The following IPO11 variants were observed in gnomAD, a reference collection of about 807,000 sequenced individuals.
IPO11 encodes the protein importin 11, also known as importin-11.
In IPO11, 66 loss-of-function variants were observed where a neutral mutation model predicts 143.2. The observed-to-expected ratio is 0.46, with a 90% CI of 0.38 to 0.57. The LOEUF (loss-of-function observed/expected upper bound fraction) is 0.57, where lower values mean the gene tolerates loss of function less well. Ranked by LOEUF, IPO11 falls within the 20% of genes least tolerant of loss-of-function variation. IPO11 has a pLI of 0.00. For synonymous variants in IPO11, 385 were observed against 377.8 expected, an observed-to-expected ratio of 1.02 and a Z score of -0.22; for missense variants, 1,026 against 1,141.0, an observed-to-expected ratio of 0.90 and a Z score of 1.45.
rs1254147718 is a variant in IPO11 at position 62,545,784 on chromosome 5, G to C, written c.2251-4583G>C. ...AAAACAACCCCATCAAAAAGTGGGTGAAGGATATGAACAGACACTTCTCAA... is the reference window on the plus strand; with the variant it reads ...AAAACAACCCCATCAAAAAGTGGGTCAAGGATATGAACAGACACTTCTCAA... On this transcript the variant is annotated intron_variant, in intron 24 of 29. Coordinates refer to ENST00000325324, the MANE Select transcript of IPO11 (RefSeq NM_016338.5). 2.6e-5 allele frequency among the ~76,000 whole-genome samples: 4 copies of C among 152,126 alleles called. 1 individual carries two copies. The South Asian group carries it at 8.3e-4, about 32-fold the overall frequency.
At chr5:62,563,042 T>G (rs1007519677) in intron 27 of IPO11, among the ~76,000 whole-genome samples, 10 of 152,360 alleles carry the variant, frequency 6.6e-5, no homozygotes, top group African/African-American at 1.9e-4. Flanking sequence ...ACACTAGGAA[T>G]GCCTCTTTTA....
At position 62,580,705 on chromosome 5, in the gene IPO11, A is replaced by G. The variant is rs1256093148; in HGVS notation, c.2583-10872A>G. On this transcript the variant is annotated intron_variant, in intron 27 of 29. Transcript: ENST00000325324. ...TTGGGCTGTTGTAAAATCTCCTCAT[A>G]TTCATCACAAGACTACTGCGCTAAT... The G allele has an allele frequency of 5.8e-6, 9 of 1,551,448 alleles. No individual in the cohort carries two copies. In the South Asian group the frequency reaches 8.3e-5, roughly 14 times the overall value.
chr5:62,560,135 C>T (rs981641515), intron 26 of IPO11, among the ~76,000 whole-genome samples: 6 of 152,016 alleles, frequency 3.9e-5, no homozygotes, highest in Non-Finnish European at 8.8e-5. Context: ...ATAATTAGTG[C>T]AGTAAAGTCA....
chr5:62,613,069 T>C (rs141650891), intron 29 of IPO11, among the ~76,000 whole-genome samples: 338 of 152,308 alleles, frequency 2.2e-3, no homozygotes, highest in African/African-American at 7.7e-3. Flanking sequence ...AAGCAGTGTT[T>C]TGTTGTTTAA....
chr5:62,425,254 G>A lies in IPO11; in HGVS notation c.-6-12020G>A, dbSNP rs367624176. Reference sequence around the variant, plus strand: ...TCCTCCAACCCTCCTTGGGGGGAAAGGAACATACTCTTTGGAATGTGGTAC... The same window carrying A: ...TCCTCCAACCCTCCTTGGGGGGAAAAGAACATACTCTTTGGAATGTGGTAC... On this transcript the variant is annotated intron_variant, in intron 1 of 29. Transcript: ENST00000325324. Among the ~76,000 whole-genome samples, 8 of 152,306 alleles carry A rather than the reference G, an allele frequency of 5.3e-5. No individual in the cohort carries two copies. The South Asian group carries it at 1.0e-3, about 20-fold the overall frequency.
At position 62,443,068 on chromosome 5, in the gene IPO11, G is replaced by GA. The variant is rs1225635626; in HGVS notation, c.225dup (p.Arg76ThrfsTer25). The GA allele has an allele frequency of 6.2e-7, 1 of 1,605,272 alleles. No individual in the cohort carries two copies. Among genetic ancestry groups the GA allele is most frequent in the Non-Finnish European group, 8.5e-7 (1 of 1,173,502 alleles). On this transcript the variant is annotated frameshift_variant, in exon 3 of 30. Transcript: ENST00000325324. LOFTEE classifies it high-confidence loss of function. ...AAACATGGAATTGATCGCTACTGGA[G>GA]ACGTGTAGCACCTCAGTAAGTTCCA...
intron 9 of IPO11, among the ~76,000 whole-genome samples, chr5:62,482,239 C>A (rs1434366636): frequency 6.6e-6 from 1 of 152,090 alleles, no homozygotes; most frequent in Non-Finnish European, 1.5e-5. Flanking sequence ...AAAACCAGCT[C>A]CTGGATTCAT....
intron 24 of IPO11, among the ~76,000 whole-genome samples, chr5:62,546,098 A>G (rs1340201456): frequency 6.6e-6 from 1 of 152,126 alleles, no homozygotes; most frequent in Admixed American, 6.6e-5. Context: ...CCATTACTGG[A>G]GATATACCCA....
intron 19 of IPO11, among the ~76,000 whole-genome samples, chr5:62,507,535 A>G (rs994645049): frequency 2.0e-5 from 3 of 152,204 alleles, no homozygotes; most frequent in African/African-American, 7.2e-5. Flanking sequence ...AATGGTAAAG[A>G]TAATTCTGAA....
chr5:62,561,614 CATAAAGTATGTT>C (rs1182289047), intron 27 of IPO11, among the ~76,000 whole-genome samples: 2 of 152,158 alleles, frequency 1.3e-5, no homozygotes, highest in Non-Finnish European at 2.9e-5. Flanking sequence ...AATAGCACTT[CATAAAGTATGTT>C]ATAAAGTGTG....
chr5:62,522,687 C>T (rs1207627844), intron 20 of IPO11, among the ~76,000 whole-genome samples: 1 of 152,190 alleles, frequency 6.6e-6, no homozygotes, highest in African/African-American at 2.4e-5. Context: ...ACCCCTCAGT[C>T]TCCTACCTGT....
At chr5:62,625,202 G>A (rs1746523147) in intron 29 of IPO11, among the ~76,000 whole-genome samples, 1 of 152,124 alleles carries the variant, frequency 6.6e-6, no homozygotes, top group South Asian at 2.1e-4. Context: ...GGGAAACTTT[G>A]TTTCAAGGAA....
chr5:62,624,128 G>A (rs6888917), intron 29 of IPO11, among the ~76,000 whole-genome samples: 2,503 of 151,272 alleles, frequency 0.017, 62 homozygotes, highest in African/African-American at 0.058. Context: ...TCCACCTCCC[G>A]GGTTCAGGCG....
At chr5:62,414,627 T>C (rs1489799808) in intron 1 of IPO11, among the ~76,000 whole-genome samples, 1 of 152,216 alleles carries the variant, frequency 6.6e-6, no homozygotes, top group African/African-American at 2.4e-5. Context: ...GTTGCATCAG[T>C]GTTCTTTACC....
rs752931991 is a variant in IPO11, at chr5:62,483,140, C to T, written c.868C>T (p.Pro290Ser). 2 of 1,607,652 alleles carry T rather than the reference C, an allele frequency of 1.2e-6. No homozygotes were observed. The highest frequency in any genetic ancestry group is 2.2e-5 in the South Asian group (2 of 89,816). Reference protein sequence around the residue: ...FLDQHPFSFTPLIQRSLEFSV... With the variant: ...FLDQHPFSFTSLIQRSLEFSV... The stretch of plus-strand genomic sequence containing the variant: ...GGATCAGCATCCTTTTTCATTTACT[C>T]CTCTAATTCAGAGATCACTGGAATT... Residue 290 changes from proline (P) to serine (S), a missense_variant, in exon 10 of 30, where the codon CCT becomes TCT. This residue lies in a region of IPO11 where 429 missense variants were observed against 456.3 expected (regional missense o/e 0.94). Coordinates refer to ENST00000325324, the MANE Select transcript of IPO11 (RefSeq NM_016338.5).
chr5:62,438,733 C>T (rs988636478), intron 2 of IPO11, among the ~76,000 whole-genome samples: 2 of 147,588 alleles, frequency 1.4e-5, no homozygotes, highest in Non-Finnish European at 1.5e-5. Context: ...GTCTGGGCAA[C>T]AAGAACGAAA....
intron 16 of IPO11, among the ~76,000 whole-genome samples, chr5:62,499,553 C>A (rs1741273879): frequency 6.7e-6 from 1 of 150,368 alleles, no homozygotes; most frequent in Non-Finnish European, 1.5e-5. Context: ...AATAAATTAA[C>A]CACATCTTAC....
intron 29 of IPO11, among the ~76,000 whole-genome samples, chr5:62,605,026 T>C (rs1745654941): frequency 6.6e-6 from 1 of 152,256 alleles, no homozygotes; most frequent in Non-Finnish European, 1.5e-5. Context: ...TGGTTGTTTC[T>C]TCAAAGGGGG....
rs774495999 is a variant in IPO11, at chr5:62,627,194, A to T, written c.2804A>T (p.Gln935Leu). 4 of 1,614,056 alleles carry T rather than the reference A, an allele frequency of 2.5e-6. No individual in the cohort carries two copies. The highest frequency in any genetic ancestry group is 3.4e-6 in the Non-Finnish European group (4 of 1,180,010). The change falls in exon 30 of 30, where the codon CAG (glutamine) becomes CTG (leucine). Residue 935 changes from glutamine (Q) to leucine (L), a missense_variant. Physicochemically the swap from Gln to Leu is moderately radical, Grantham distance 113. This residue lies in a region of IPO11 where 351 missense variants were observed against 358.9 expected (regional missense o/e 0.98). Coordinates refer to ENST00000325324, the MANE Select transcript of IPO11 (RefSeq NM_016338.5). ...KDPVHTVSLQ[Q>L]FIYEKLKAQQ... ...CCTGTTCATACAGTGTCACTGCAGC[A>T]GTTCATCTACGAGAAGCTCAAGGCA...
Sources: allele counts gnomAD v4.1 joint callset (sites outside exome capture counted in the v4.1 genomes callset), GRCh38; gene constraint gnomAD v4.1.1; regional missense constraint gnomAD v4.1.1; transcripts MANE v1.5; gene names NCBI Gene and HGNC (gene_info 2026-07-23, HGNC 2026-07-21).